GLDC: variants seen among roughly 807,000 people sequenced by gnomAD.
The protein encoded by GLDC is glycine decarboxylase.
GLDC carries 104 observed loss-of-function variants against 121.3 expected under a neutral mutation model. The ratio of observed to expected loss-of-function variants is 0.86; its 90% CI spans 0.73 to 1.01. The LOEUF (loss-of-function observed/expected upper bound fraction) is 1.01. Among genes scored for constraint, GLDC ranks in the 50% least tolerant of loss-of-function variants. The pLI, the probability that GLDC is intolerant of heterozygous loss-of-function variation, is 0.00. For synonymous variants in GLDC, 546 were observed against 480.6 expected (o/e 1.14, Z -1.78); for missense variants, 1,429 against 1,306.6 (o/e 1.09, Z -1.44).
chr9:6,577,152 G>C (rs1384474979), intron 15 of GLDC, among the ~76,000 whole-genome samples: 2 of 152,244 alleles, frequency 1.3e-5, no homozygotes, highest in Non-Finnish European at 2.9e-5. Context: ...GCAAGGATGA[G>C]GCAGAGCCAG....
intron 16 of GLDC, among the ~76,000 whole-genome samples, chr9:6,560,245 T>C (rs1459776208): frequency 6.6e-6 from 1 of 152,164 alleles, no homozygotes; most frequent in Non-Finnish European, 1.5e-5. Flanking sequence ...GAGAGATGGA[T>C]GGGCATTATT....
intron 3 of GLDC, among the ~76,000 whole-genome samples, chr9:6,616,610 A>T (rs1818971682): frequency 6.6e-6 from 1 of 152,252 alleles, no homozygotes; most frequent in Non-Finnish European, 1.5e-5. Context: ...AGTTTGACTC[A>T]ATTAGGTAAA....
chr9:6,604,174 G>T (rs970115289), intron 7 of GLDC, among the ~76,000 whole-genome samples: 3 of 152,174 alleles, frequency 2.0e-5, no homozygotes, highest in African/African-American at 7.2e-5. Flanking sequence ...CCACGTGGCG[G>T]AAGCCTCTAG....
chr9:6,589,124 G>T, intron 12 of GLDC, 71 bp downstream of exon 12: 1 of 933,984 alleles, frequency 1.1e-6, no homozygotes, highest in Non-Finnish European at 1.8e-6. Context: ...GAAATCAGCA[G>T]CAGCACTCTG....
intron 1 of GLDC, 22 bp downstream of exon 1, chr9:6,645,223 A>T: frequency 6.4e-7 from 1 of 1,566,634 alleles, no homozygotes; most frequent in East Asian, 2.4e-5. Context: ...GAGGCCGCGG[A>T]GGGCCGGGTG....
intron 11 of GLDC, chr9:6,591,905 A>G (rs1818382653): frequency 6.3e-6 from 3 of 479,128 alleles, no homozygotes; most frequent in East Asian, 3.9e-5. Context: ...GGCACTTTCA[A>G]TGAAACACCA....
At chr9:6,540,738 C>T (rs973826788) in intron 21 of GLDC, 2 of 156,814 alleles carry the variant, frequency 1.3e-5, no homozygotes, top group Non-Finnish European at 2.8e-5. Flanking sequence ...AACAGTATAC[C>T]GTAAGTAACA....
At chr9:6,629,929 C>CTATATATATA (rs771840710) in intron 2 of GLDC, among the ~76,000 whole-genome samples, 4 of 102,148 alleles carry the variant, frequency 3.9e-5, no homozygotes, top group African/African-American at 1.4e-4. Flanking sequence ...TTGCTTTTCA[C>CTATATATATA]TATATATATA....
At chr9:6,547,906 G>A (rs1240855309) in intron 21 of GLDC, among the ~76,000 whole-genome samples, 1 of 152,134 alleles carries the variant, frequency 6.6e-6, no homozygotes, top group Non-Finnish European at 1.5e-5. Context: ...GAGGTGGGAG[G>A]ATCACTAGAG....
At chr9:6,620,818 G>C (rs1277398426) in intron 2 of GLDC, among the ~76,000 whole-genome samples, 8 of 152,030 alleles carry the variant, frequency 5.3e-5, no homozygotes. Context: ...TCACTGAAAG[G>C]GCAACTTATA....
Position 6,536,173 on chromosome 9 carries a change from G to A in GLDC, c.2729C>T (p.Ser910Leu), listed in dbSNP as rs759933539. Residue 910 changes from serine to leucine, a missense_variant, in exon 23 of 25, where the codon TCG (serine) becomes TTG (leucine). Transcript: ENST00000321612. ...TCTGTCCAGCTCTGCCTTGTCCTCC[G>A]ACTCAGTGGGCTCCACCATGAGGGT... ...AGTLMVEPTE[S>L]EDKAELDRFC... 4 of 1,614,048 alleles carry A rather than the reference G, an allele frequency of 2.5e-6. No homozygotes were observed. Among genetic ancestry groups the A allele is most frequent in the Admixed American group, 1.7e-5 (1 of 60,024 alleles).
chr9:6,599,594 G>A (rs1243348420), intron 8 of GLDC, among the ~76,000 whole-genome samples: 2 of 151,746 alleles, frequency 1.3e-5, no homozygotes, highest in African/African-American at 2.4e-5. Flanking sequence ...GGTGGCAGGC[G>A]CCTGTAATCC....
In GLDC at chr9:6,610,195, T is replaced by C. The variant is rs139931025; in HGVS notation, c.632A>G (p.Tyr211Cys). The change falls in exon 4 of 25, where the codon TAC becomes TGC. Residue 211 changes from tyrosine (Y) to cysteine (C), a missense_variant. Coordinates refer to ENST00000321612, the MANE Select transcript of GLDC (RefSeq NM_000170.3). Reference protein sequence around the residue: ...TAAAEALQLCYRHNKRRKFLV... With the variant: ...TAAAEALQLCCRHNKRRKFLV... Reference sequence around the variant, plus strand: ...AGCACTTTGAGAGGCCTCTCACCTGTAGCACAGCTGCAGTGCCTCTGCGGC... The same window carrying C: ...AGCACTTTGAGAGGCCTCTCACCTGCAGCACAGCTGCAGTGCCTCTGCGGC... The C allele has an allele frequency of 3.7e-5, 60 of 1,609,748 alleles. 1 individual carries two copies. Among genetic ancestry groups the C allele is most frequent in the South Asian group, 3.1e-4 (28 of 90,160 alleles).
chr9:6,567,867 G>A (rs1472628092), intron 15 of GLDC, among the ~76,000 whole-genome samples: 2 of 152,176 alleles, frequency 1.3e-5, no homozygotes, highest in Non-Finnish European at 2.9e-5. Context: ...TCAGAGTTCT[G>A]TATATTCTTC....
intron 18 of GLDC, among the ~76,000 whole-genome samples, chr9:6,555,227 G>A (rs1444381215): frequency 6.6e-6 from 1 of 152,190 alleles, no homozygotes; most frequent in Non-Finnish European, 1.5e-5. Flanking sequence ...GCACAGTGAT[G>A]GAAGGGGCTG....
At chr9:6,632,666 C>T (rs1819409784) in intron 2 of GLDC, among the ~76,000 whole-genome samples, 1 of 152,228 alleles carries the variant, frequency 6.6e-6, no homozygotes, top group Admixed American at 6.5e-5. Context: ...TCCCTATTCT[C>T]TAGCACGCGC....
At chr9:6,551,181 G>A (rs1285846141) in intron 20 of GLDC, among the ~76,000 whole-genome samples, 2 of 152,194 alleles carry the variant, frequency 1.3e-5, no homozygotes, top group Non-Finnish European at 2.9e-5. Context: ...GCTGACTACT[G>A]ACTACTGTGT....
intron 11 of GLDC, among the ~76,000 whole-genome samples, chr9:6,590,249 G>C (rs1563850237): frequency 6.7e-6 from 1 of 148,992 alleles, no homozygotes; most frequent in Non-Finnish European, 1.5e-5. Flanking sequence ...CCACAGAATG[G>C]AAGAAAATAT....
chr9:6,538,779 AAGTG>A (rs1328549208), intron 22 of GLDC, among the ~76,000 whole-genome samples: 1 of 152,210 alleles, frequency 6.6e-6, no homozygotes, highest in East Asian at 1.9e-4. Context: ...GGCATCCACA[AAGTG>A]AGTGTGTTTT....
Sources: gnomAD v4.1 joint callset for allele counts (sites outside exome capture counted in the v4.1 genomes callset) on GRCh38, gnomAD v4.1.1 for gene constraint, MANE v1.5 for transcripts, NCBI Gene and HGNC (gene_info 2026-07-23, HGNC 2026-07-21) for gene names.